Variants in RP1 observed in about 807,000 individuals in gnomAD.
The protein encoded by RP1 is oxygen-regulated protein 1.
Under a neutral mutation model 14.8 loss-of-function variants are expected in RP1, and 16 were observed. That is an observed-to-expected ratio of 1.08 (90% CI 0.73 to 1.65). The LOEUF (loss-of-function observed/expected upper bound fraction) is 1.65, where lower values mean the gene tolerates loss of function less well. Ranked by LOEUF, RP1 falls within the 40% of genes most tolerant of loss-of-function variation. The probability of loss-of-function intolerance (pLI) is 0.00; values close to 1 mark genes in which losing one functional copy is unlikely to be tolerated. For synonymous variants in RP1, 876 were observed against 883.6 expected (o/e 0.99, Z 0.15); for missense variants, 2,631 against 2,535.0 (o/e 1.04, Z -0.81).
chr8:54,631,369 T>C (rs1806243277), downstream of RP1, among the ~76,000 whole-genome samples: 1 of 152,056 alleles, frequency 6.6e-6, no homozygotes, highest in African/African-American at 2.4e-5. Context: ...CAATGAGAAA[T>C]TGTAGTGAAT....
At chr8:54,677,707 A>G (rs1177550349) in intron 8 of RP1, among the ~76,000 whole-genome samples, 2 of 152,166 alleles carry the variant, frequency 1.3e-5, no homozygotes, top group Non-Finnish European at 2.9e-5. Flanking sequence ...AGCCTGGGTG[A>G]CAGAGTGAGC....
chr8:54,740,709 G>A (rs1034800184), intron 19 of RP1, among the ~76,000 whole-genome samples: 5 of 151,602 alleles, frequency 3.3e-5, no homozygotes, highest in Non-Finnish European at 2.9e-5. Flanking sequence ...GCGACAAAGC[G>A]AGACTCTGTC....
intron 1 of RP1, among the ~76,000 whole-genome samples, chr8:54,605,991 T>A (rs1805431979): frequency 6.6e-6 from 1 of 151,590 alleles, no homozygotes; most frequent in Non-Finnish European, 1.5e-5. Context: ...CTTGACTCTT[T>A]ATCCAATTTG....
At chr8:54,782,688 G>A (rs1028968725) in intron 23 of RP1, among the ~76,000 whole-genome samples, 12 of 152,066 alleles carry the variant, frequency 7.9e-5, no homozygotes, top group African/African-American at 2.9e-4. Context: ...GGTGAGAGGG[G>A]TTCATTGCTG....
intron 1 of RP1, among the ~76,000 whole-genome samples, chr8:54,580,735 C>T (rs922499301): frequency 3.9e-5 from 6 of 152,028 alleles, no homozygotes; most frequent in Admixed American, 3.9e-4. Flanking sequence ...TCTCCTGCCC[C>T]AGCCTCCAGA....
chr8:54,685,042 A>C (rs900587883), intron 12 of RP1, among the ~76,000 whole-genome samples: 5 of 152,140 alleles, frequency 3.3e-5, no homozygotes, highest in African/African-American at 1.2e-4. Context: ...TGCTGGGCTT[A>C]ATACCTAGGT....
intron 12 of RP1, among the ~76,000 whole-genome samples, chr8:54,684,274 T>C (rs551885203): frequency 1.1e-4 from 16 of 152,254 alleles, no homozygotes; most frequent in Non-Finnish European, 1.3e-4. Flanking sequence ...GAAGTTTTCT[T>C]TTTTTGTTGT....
At chr8:54,868,146 C>T (rs1396064130) in intron 28 of RP1, among the ~76,000 whole-genome samples, 3 of 152,156 alleles carry the variant, frequency 2.0e-5, no homozygotes, top group African/African-American at 7.2e-5. Context: ...ATAATGGTCA[C>T]ATTCTCTTCC....
intron 19 of RP1, among the ~76,000 whole-genome samples, chr8:54,740,958 C>T (rs1809068757): frequency 6.6e-6 from 1 of 151,722 alleles, no homozygotes; most frequent in Non-Finnish European, 1.5e-5. Context: ...ATCGCTTGAA[C>T]CCCAGAGGCA....
At chr8:54,781,228 G>A (rs536689999) in intron 23 of RP1, among the ~76,000 whole-genome samples, 17 of 152,090 alleles carry the variant, frequency 1.1e-4, no homozygotes, top group South Asian at 2.1e-4. Context: ...CATAGTCAAC[G>A]AACTTTTTTT....
exon 14 of RP1, chr8:54,701,527 G>C (rs1275033404): frequency 6.5e-7 from 1 of 1,535,354 alleles, no homozygotes; most frequent in Non-Finnish European, 8.7e-7. Context: ...TGCTTTATCA[G>C]CCTAACCGCT....
At chr8:54,712,658 T>A (rs1481502422) in intron 15 of RP1, among the ~76,000 whole-genome samples, 1 of 152,238 alleles carries the variant, frequency 6.6e-6, no homozygotes, top group East Asian at 1.9e-4. Context: ...CATTTATGTT[T>A]TACTTCTGCT....
intron 1 of RP1, among the ~76,000 whole-genome samples, chr8:54,577,647 A>G (rs866736603): frequency 6.6e-6 from 1 of 152,318 alleles, no homozygotes. Flanking sequence ...ACTAGATACT[A>G]TGCTACTTTA....
chr8:54,689,055 T>C (rs958742164), intron 12 of RP1, among the ~76,000 whole-genome samples: 5 of 152,160 alleles, frequency 3.3e-5, no homozygotes, highest in African/African-American at 1.2e-4. Context: ...TTCCTAGGTG[T>C]TTTATTCTCT....
At chr8:54,600,833 G>A (rs543113030) in intron 1 of RP1, among the ~76,000 whole-genome samples, 38 of 152,244 alleles carry the variant, frequency 2.5e-4, no homozygotes, top group Non-Finnish European at 4.4e-4. Context: ...TGCTCCTATC[G>A]GTGTTTTTTG....
At chr8:54,785,701 ATC>A (rs1167926103) in intron 24 of RP1, among the ~76,000 whole-genome samples, 3 of 152,026 alleles carry the variant, frequency 2.0e-5, no homozygotes, top group African/African-American at 7.2e-5. Flanking sequence ...ATTCGATATT[ATC>A]TGTTTTTTGA....
rs775077177 is a variant in RP1 at position 54,625,314 on chromosome 8, A to G, written c.1432A>G (p.Lys478Glu). 6 of 1,614,188 alleles carry G rather than the reference A, an allele frequency of 3.7e-6. No individual in the cohort carries two copies. The South Asian group carries it at 6.6e-5, about 18-fold the overall frequency. The change falls in exon 4 of 4, where the codon AAA becomes GAA. Residue 478 changes from lysine to glutamate, a missense_variant. Transcript: ENST00000220676. ...AGTATCTGAAACTGAGGTTCAAGAGAAAATGATTGGACAGTTTTCATATAG... is the reference window on the plus strand; with the variant it reads ...AGTATCTGAAACTGAGGTTCAAGAGGAAATGATTGGACAGTTTTCATATAG... ...TLVSETEVQE[K>E]MIGQFSYSEE...
At position 54,629,855 on chromosome 8, in the gene RP1, G is replaced by A; in HGVS notation, c.5973G>A (p.Gln1991=). 2 of 1,613,848 alleles carry A rather than the reference G, an allele frequency of 1.2e-6. No individual in the cohort carries two copies. The highest frequency in any genetic ancestry group is 1.7e-6 in the Non-Finnish European group (2 of 1,179,930). ...ATGCCATTGGTGATATATTTGATCA[G>A]TTTTATTTCAGTAACACATTTGACT... ...IDNAIGDIFD[Q]FYFSNTFDLM... The change falls in exon 4 of 4, where the codon CAG becomes CAA. Residue 1991 remains glutamine, a synonymous_variant. Coordinates refer to ENST00000220676, the MANE Select transcript of RP1 (RefSeq NM_006269.2).
At chr8:54,589,000 C>T (rs1804989669) in intron 1 of RP1, among the ~76,000 whole-genome samples, 1 of 152,090 alleles carries the variant, frequency 6.6e-6, no homozygotes, top group Non-Finnish European at 1.5e-5. Context: ...TAAATGGGGG[C>T]CTTTAGATTC....
Sources: gnomAD v4.1 joint callset for allele counts (sites outside exome capture counted in the v4.1 genomes callset) on GRCh38, gnomAD v4.1.1 for gene constraint, MANE v1.5 for transcripts, NCBI Gene and HGNC (gene_info 2026-07-23, HGNC 2026-07-21) for gene names.